Variants in COL19A1 observed in about 807,000 individuals in gnomAD.
COL19A1 encodes collagen type XIX alpha 1 chain.
COL19A1 carries 159 observed loss-of-function variants against 190.2 expected under a neutral mutation model. That is an observed-to-expected ratio of 0.84 (90% CI 0.73 to 0.95). The LOEUF is 0.95. COL19A1 is among the 40% of genes least tolerant of loss of function. The pLI is 0.00. For synonymous variants in COL19A1, 509 were observed against 458.9 expected (o/e 1.11, Z -1.39); for missense variants, 1,418 against 1,431.9 (o/e 0.99, Z 0.16).
intron 15 of COL19A1, among the ~76,000 whole-genome samples, chr6:70,072,031 G>A (rs973910763): frequency 1.3e-5 from 2 of 151,996 alleles, no homozygotes; most frequent in Admixed American, 6.6e-5. Context: ...AGGTAGGAGA[G>A]GCAAACAATG....
intron 14 of COL19A1, among the ~76,000 whole-genome samples, chr6:70,058,309 C>T (rs113450308): frequency 3.3e-3 from 503 of 152,120 alleles, no homozygotes; most frequent in Middle Eastern, 6.8e-3. Flanking sequence ...TTTAAAAGCA[C>T]TATGTGTAAC....
chr6:70,002,959 T>G (rs1276195095), intron 11 of COL19A1, among the ~76,000 whole-genome samples: 1 of 152,148 alleles, frequency 6.6e-6, no homozygotes, highest in Non-Finnish European at 1.5e-5. Flanking sequence ...TCTCTAGCTC[T>G]TTTAATTGTG....
At chr6:69,893,710 CTCCTTTGTTTTCTT>C (rs1225682646) in intron 2 of COL19A1, among the ~76,000 whole-genome samples, 1 of 152,204 alleles carries the variant, frequency 6.6e-6, no homozygotes. Flanking sequence ...AAAATTCTTT[CTCCTTTGTTTTCTT>C]TCCTTTGTTT....
rs1485055944 is a variant in COL19A1, at chr6:69,866,560, G to C, written c.-113G>C. ...AGAGATGCGTCCCCCTTCCCCACTCGCAGGGAGCTCACTCCTCGGCGGTGC... is the reference window on the plus strand; with the variant it reads ...AGAGATGCGTCCCCCTTCCCCACTCCCAGGGAGCTCACTCCTCGGCGGTGC... On this transcript the variant is annotated 5_prime_UTR_variant, in exon 1 of 51. Transcript: ENST00000620364. The C allele has an allele frequency of 6.6e-6, 1 of 152,518 alleles. No individual in the cohort carries two copies. The highest frequency in any genetic ancestry group is 2.4e-5 in the African/African-American group (1 of 41,570). 9.4% of individuals were successfully genotyped at this position (152,518 alleles called of 1,614,324 possible).
At chr6:69,955,524 TGTG>T (rs1562032205) in intron 9 of COL19A1, among the ~76,000 whole-genome samples, 1 of 61,754 alleles carries the variant, frequency 1.6e-5, no homozygotes, top group Non-Finnish European at 3.3e-5. Flanking sequence ...CACAGCAAAG[TGTG>T]TGTGTGTGTG....
chr6:69,868,402 T>G (rs1423945593), intron 1 of COL19A1, among the ~76,000 whole-genome samples: 1 of 152,008 alleles, frequency 6.6e-6, no homozygotes, highest in Non-Finnish European at 1.5e-5. Flanking sequence ...ACAGGGTTTT[T>G]GTGTAGGAAT....
chr6:69,995,387 A>T (rs2150077875), intron 11 of COL19A1, among the ~76,000 whole-genome samples: 1 of 152,190 alleles, frequency 6.6e-6, no homozygotes, highest in East Asian at 1.9e-4. Context: ...TTTCTAAAAG[A>T]GAGTCTTGAA....
chr6:70,173,070 G>A (rs1216721149), intron 41 of COL19A1, among the ~76,000 whole-genome samples: 3 of 152,196 alleles, frequency 2.0e-5, no homozygotes, highest in Non-Finnish European at 4.4e-5. Flanking sequence ...GACCTGAGCA[G>A]TTTGCAAAAT....
chr6:70,068,449 A>C lies in COL19A1; in HGVS notation c.1197A>C (p.Gln399His). The change falls in exon 15 of 51, where the codon CAA becomes CAC. Residue 399 changes from glutamine to histidine, a missense_variant. Gln to His is a conservative substitution (Grantham distance 24, BLOSUM62 0). Transcript: ENST00000620364. ...LPGSLGIQGP[Q>H]GPPGKEGQRG... The stretch of plus-strand genomic sequence containing the variant: ...GTTCCCTGGGGATACAAGGCCCCCA[A>C]GGTCCACCTGGAAAAGAGGGTCAGA... 1 of 1,601,764 alleles carries C rather than the reference A, an allele frequency of 6.2e-7. No individual in the cohort carries two copies. The highest frequency in any genetic ancestry group is 8.5e-7 in the Non-Finnish European group (1 of 1,169,822).
chr6:70,115,825 G>GTTTTTTTTTTTTTT (rs57814985), intron 16 of COL19A1, among the ~76,000 whole-genome samples: 1 of 117,200 alleles, frequency 8.5e-6, no homozygotes, highest in Admixed American at 9.2e-5. Flanking sequence ...TTGGTGTTTT[G>GTTTTTTTTTTTTTT]TTTTTTTTTT....
intron 1 of COL19A1, among the ~76,000 whole-genome samples, chr6:69,877,172 A>T (rs912070592): frequency 3.3e-5 from 5 of 152,192 alleles, no homozygotes; most frequent in Non-Finnish European, 5.9e-5. Flanking sequence ...TATGACATTT[A>T]TTTGCATATT....
intron 11 of COL19A1, among the ~76,000 whole-genome samples, chr6:70,018,603 CT>C (rs1778248213): frequency 6.6e-6 from 1 of 152,054 alleles, no homozygotes; most frequent in African/African-American, 2.4e-5. Context: ...TTGCATTCCC[CT>C]GAAACAAGGT....
At chr6:70,069,957 T>A (rs997235101) in intron 15 of COL19A1, among the ~76,000 whole-genome samples, 1 of 152,192 alleles carries the variant, frequency 6.6e-6, no homozygotes, top group South Asian at 2.1e-4. Flanking sequence ...CTGTCTTCAT[T>A]TAAATCGTTA....
chr6:70,157,578 C>T (rs372101777), intron 34 of COL19A1, among the ~76,000 whole-genome samples: 12 of 152,080 alleles, frequency 7.9e-5, no homozygotes, highest in African/African-American at 2.4e-4. Flanking sequence ...TCATCATGTA[C>T]TATTGTTTCT....
At chr6:70,158,335 T>G (rs1787568147) in intron 34 of COL19A1, among the ~76,000 whole-genome samples, 1 of 152,056 alleles carries the variant, frequency 6.6e-6, no homozygotes, top group Non-Finnish European at 1.5e-5. Context: ...AACTGGCCAA[T>G]GAACTATACC....
At position 69,925,368 on chromosome 6, in the gene COL19A1, T is replaced by C. The variant is rs141842614; in HGVS notation, c.267-2541T>C. 5.5e-3 allele frequency among the ~76,000 whole-genome samples: 834 copies of C among 152,322 alleles called. 9 individuals carry two copies. Among genetic ancestry groups the C allele is most frequent in the African/African-American group, 0.019 (791 of 41,578 alleles). ...ATCCTTTCCCCATTGCTTGTTTTTG[T>C]CAGGTTTCTCAAAGATCAGATGTTT... On this transcript the variant is annotated intron_variant, in intron 4 of 50. Transcript: ENST00000620364.
chr6:69,948,320 A>G (rs2150032276), intron 9 of COL19A1, among the ~76,000 whole-genome samples: 1 of 151,974 alleles, frequency 6.6e-6, no homozygotes, highest in South Asian at 2.1e-4. Context: ...ATGGCATAGC[A>G]GGATAGAATT....
chr6:69,888,369 C>A (rs566545988), intron 2 of COL19A1, among the ~76,000 whole-genome samples: 1 of 152,226 alleles, frequency 6.6e-6, no homozygotes, highest in South Asian at 2.1e-4. Flanking sequence ...GTTTCCTTCC[C>A]CAGAGTCCAA....
intron 15 of COL19A1, among the ~76,000 whole-genome samples, chr6:70,074,801 A>AC (rs541926633): frequency 2.8e-4 from 43 of 152,126 alleles, no homozygotes; most frequent in African/African-American, 9.9e-4. Flanking sequence ...CAAAACTGAC[A>AC]ATGACCTTTA....
Sources: allele counts gnomAD v4.1 joint callset (sites outside exome capture counted in the v4.1 genomes callset), GRCh38; gene constraint gnomAD v4.1.1; transcripts MANE v1.5; gene names NCBI Gene and HGNC (gene_info 2026-07-23, HGNC 2026-07-21).